GTF2IRD1: variants seen among roughly 807,000 people sequenced by gnomAD.
GTF2IRD1 encodes general transcription factor II-I repeat domain-containing protein 1.
GTF2IRD1 carries 26 observed loss-of-function variants against 113.2 expected under a neutral mutation model. That is an observed-to-expected ratio of 0.23 (90% confidence interval 0.17 to 0.32). GTF2IRD1 has a LOEUF of 0.32. GTF2IRD1 is among the 10% of genes least tolerant of loss of function. GTF2IRD1 has a pLI of 1.00. For synonymous variants in GTF2IRD1, 484 were observed against 529.1 expected, an observed-to-expected ratio of 0.91 and a Z score of 1.17; for missense variants, 864 against 1,280.8, an observed-to-expected ratio of 0.67 and a Z score of 4.97.
At chr7:74,516,674 C>T (rs587682315) in intron 4 of GTF2IRD1, among the ~76,000 whole-genome samples, 1 of 152,296 alleles carries the variant, frequency 6.6e-6, no homozygotes. Context: ...ACCCAGAGGC[C>T]CTGGGTGGTC....
intron 17 of GTF2IRD1, 21 bp downstream of exon 17, chr7:74,547,307 T>C (rs1554353601): frequency 3.2e-6 from 5 of 1,581,408 alleles, no homozygotes; most frequent in Non-Finnish European, 2.6e-6. Context: ...ACCAGGTCCA[T>C]GGGAGACAGC....
chr7:74,561,231 C>T (rs782761478), intron 22 of GTF2IRD1, among the ~76,000 whole-genome samples: 5 of 151,724 alleles, frequency 3.3e-5, no homozygotes, highest in Non-Finnish European at 7.4e-5. Flanking sequence ...CACCTGTAAT[C>T]CCAGCTACTT....
chr7:74,569,928 G>C (rs1800589503), intron 22 of GTF2IRD1, among the ~76,000 whole-genome samples: 1 of 152,178 alleles, frequency 6.6e-6, no homozygotes. Flanking sequence ...CCTCTCAGAA[G>C]CGTGGAGCTG....
rs1233018886 is a variant in GTF2IRD1 at position 74,564,178 on chromosome 7, C to A, written c.2320+4523C>A. 2.0e-5 allele frequency among the ~76,000 whole-genome samples: 3 copies of A among 152,252 alleles called. No individual in the cohort carries two copies. In the East Asian group the frequency reaches 5.8e-4, roughly 30 times the overall value. The stretch of plus-strand genomic sequence containing the variant: ...AGTAGCTGGAATTACAGGTGTGCAC[C>A]ATGACACTCGGCTAATTTTTGTATT... On this transcript the variant is annotated intron_variant, in intron 22 of 26. Coordinates refer to ENST00000424337, the MANE Select transcript of GTF2IRD1 (RefSeq NM_005685.4).
At chr7:74,488,355 C>T (rs1795139308) in intron 1 of GTF2IRD1, among the ~76,000 whole-genome samples, 1 of 152,184 alleles carries the variant, frequency 6.6e-6, no homozygotes. Flanking sequence ...GTAGGCTCTT[C>T]AGCTGCAGTT....
At chr7:74,466,145 G>A (rs1364639155) in intron 1 of GTF2IRD1, among the ~76,000 whole-genome samples, 2 of 152,156 alleles carry the variant, frequency 1.3e-5, no homozygotes, top group Non-Finnish European at 2.9e-5. Flanking sequence ...TTGGCCTGCC[G>A]ACCCCTTAGC....
intron 14 of GTF2IRD1, among the ~76,000 whole-genome samples, chr7:74,540,493 T>G (rs1189935942): frequency 6.6e-5 from 10 of 151,826 alleles, no homozygotes; most frequent in African/African-American, 2.4e-4. Flanking sequence ...AGGAGCCACC[T>G]GTTGGAATTA....
intron 14 of GTF2IRD1, among the ~76,000 whole-genome samples, chr7:74,541,706 C>A (rs76976856): frequency 6.6e-6 from 1 of 151,916 alleles, no homozygotes; most frequent in African/African-American, 2.4e-5. Flanking sequence ...TCAAAACCAG[C>A]CTGGCCAGCA....
intron 7 of GTF2IRD1, among the ~76,000 whole-genome samples, chr7:74,523,414 T>TA (rs1797405618): frequency 6.6e-6 from 1 of 151,522 alleles, no homozygotes; most frequent in Non-Finnish European, 1.5e-5. Context: ...AAATTTAAAT[T>TA]AAAAAATAAA....
chr7:74,536,679 A>G (rs1349878786), intron 11 of GTF2IRD1, among the ~76,000 whole-genome samples: 7 of 152,054 alleles, frequency 4.6e-5, no homozygotes, highest in African/African-American at 1.7e-4. Context: ...GGTGGTGCGC[A>G]TGTGTAATCC....
chr7:74,496,449 G>T (rs2129724656), intron 1 of GTF2IRD1, among the ~76,000 whole-genome samples: 4 of 146,894 alleles, frequency 2.7e-5, no homozygotes, highest in African/African-American at 7.7e-5. Context: ...GCATTTGAGT[G>T]TGGGTGTGCA....
At chr7:74,484,370 C>T (rs1399901922) in intron 1 of GTF2IRD1, among the ~76,000 whole-genome samples, 1 of 152,112 alleles carries the variant, frequency 6.6e-6, no homozygotes, top group Non-Finnish European at 1.5e-5. Context: ...CAACCTCTAC[C>T]TCCCAGGCTC....
chr7:74,522,633 G>A (rs1797360188), intron 7 of GTF2IRD1, among the ~76,000 whole-genome samples: 1 of 152,176 alleles, frequency 6.6e-6, no homozygotes, highest in Non-Finnish European at 1.5e-5. Flanking sequence ...CCCAAACAAG[G>A]TCCAGCCCTG....
intron 1 of GTF2IRD1, among the ~76,000 whole-genome samples, chr7:74,478,569 C>T (rs1331780687): frequency 6.6e-6 from 1 of 152,170 alleles, no homozygotes; most frequent in African/African-American, 2.4e-5. Context: ...GATCCTCCCA[C>T]CTCATCCTCC....
chr7:74,525,105 T>G (rs1172540275), intron 8 of GTF2IRD1, among the ~76,000 whole-genome samples: 2 of 152,194 alleles, frequency 1.3e-5, no homozygotes, highest in Non-Finnish European at 2.9e-5. Context: ...AAATCTCTGT[T>G]GGCCTCATGT....
At chr7:74,600,960 CAG>C in intron 25 of GTF2IRD1, 82 bp from the exon 26 acceptor site, 2 of 1,478,578 alleles carry the variant, frequency 1.4e-6, no homozygotes, top group Non-Finnish European at 1.9e-6. Context: ...AACCTTAAGA[CAG>C]AGCACTTTTC....
intron 1 of GTF2IRD1, among the ~76,000 whole-genome samples, chr7:74,460,740 G>A (rs1452715044): frequency 6.6e-6 from 1 of 152,180 alleles, no homozygotes; most frequent in African/African-American, 2.4e-5. Flanking sequence ...GAAATTGCTG[G>A]AAACACCCTA....
At chr7:74,602,320 G>C in intron 26 of GTF2IRD1, 45 bp from the exon 27 acceptor site, 1 of 1,593,910 alleles carries the variant, frequency 6.3e-7, no homozygotes, top group Non-Finnish European at 8.6e-7. Context: ...GGTTTGTTCC[G>C]CATCACCTGG....
intron 22 of GTF2IRD1, among the ~76,000 whole-genome samples, chr7:74,563,878 G>A (rs1473711298): frequency 1.3e-5 from 2 of 151,814 alleles, no homozygotes; most frequent in Admixed American, 6.6e-5. Flanking sequence ...AGAGCATGAC[G>A]CCATCTGGAA....
Sources: allele counts gnomAD v4.1 joint callset (sites outside exome capture counted in the v4.1 genomes callset), GRCh38; gene constraint gnomAD v4.1.1; transcripts MANE v1.5; gene names NCBI Gene and HGNC (gene_info 2026-07-23, HGNC 2026-07-21).